Variants in EIF4G3 observed in about 807,000 individuals in gnomAD.
The protein encoded by EIF4G3 is eukaryotic translation initiation factor 4 gamma 3.
Under a neutral mutation model 186.4 loss-of-function variants are expected in EIF4G3, and 34 were observed. The observed-to-expected ratio is 0.18, with a 90% confidence interval of 0.14 to 0.24. The LOEUF is 0.24. Among genes scored for constraint, EIF4G3 ranks in the 10% least tolerant of loss-of-function variants. The pLI is 1.00. For missense variants in EIF4G3, 1,536 were observed against 1,948.5 expected, an observed-to-expected ratio of 0.79 and a Z score of 3.99; for synonymous variants, 673 against 679.5, an observed-to-expected ratio of 0.99 and a Z score of 0.15.
intron 10 of EIF4G3, among the ~76,000 whole-genome samples, chr1:20,976,130 GT>G (rs550634251): frequency 1.3e-3 from 189 of 143,886 alleles, no homozygotes; most frequent in African/African-American, 3.3e-3. Context: ...ACACACAGAG[GT>G]TTTTTTTTTT....
intron 14 of EIF4G3, among the ~76,000 whole-genome samples, chr1:20,932,728 C>A (rs1573050257): frequency 1.3e-5 from 2 of 152,142 alleles, no homozygotes; most frequent in Middle Eastern, 6.8e-3. Context: ...AAAACAATTA[C>A]AACAGTAACA....
intron 32 of EIF4G3, 41 bp from the exon 33 acceptor site, chr1:20,825,239 G>GAA (rs754088573): frequency 5.7e-6 from 3 of 522,146 alleles, no homozygotes; most frequent in Admixed American, 3.6e-5. Context: ...TTTCACAGTG[G>GAA]AAGAAGAAAC....
chr1:20,976,058 T>C (rs1254893442), intron 10 of EIF4G3, among the ~76,000 whole-genome samples: 2 of 151,820 alleles, frequency 1.3e-5, no homozygotes, highest in South Asian at 2.1e-4. Flanking sequence ...CCTCAGTCTA[T>C]ATAAAAAGTG....
chr1:21,134,916 T>C (rs2097212782), intron 2 of EIF4G3, among the ~76,000 whole-genome samples: 1 of 152,122 alleles, frequency 6.6e-6, no homozygotes, highest in Non-Finnish European at 1.5e-5. Context: ...CAATCTCAGA[T>C]ATATATGCAA....
intron 3 of EIF4G3, among the ~76,000 whole-genome samples, chr1:21,062,414 A>G (rs943027389): frequency 6.6e-6 from 1 of 152,130 alleles, no homozygotes; most frequent in Non-Finnish European, 1.5e-5. Flanking sequence ...TAAATCAGTA[A>G]TATCCTAAAC....
At chr1:21,091,250 T>C (rs2096186437) in intron 2 of EIF4G3, among the ~76,000 whole-genome samples, 1 of 152,052 alleles carries the variant, frequency 6.6e-6, no homozygotes, top group African/African-American at 2.4e-5. Flanking sequence ...GTTCAAGCAA[T>C]TCTCGTGACT....
chr1:21,161,108 C>A (rs1217719054), intron 2 of EIF4G3, among the ~76,000 whole-genome samples: 1 of 151,868 alleles, frequency 6.6e-6, no homozygotes, highest in Non-Finnish European at 1.5e-5. Flanking sequence ...GAGGCAGAGG[C>A]TGCAGTGAGC....
intron 2 of EIF4G3, among the ~76,000 whole-genome samples, chr1:21,170,290 A>T (rs1057504423): frequency 1.3e-5 from 2 of 152,224 alleles, no homozygotes; most frequent in African/African-American, 4.8e-5. Flanking sequence ...AACAAAATAA[A>T]CAAAAATCTC....
chr1:20,905,630 T>G (rs1366289854), intron 14 of EIF4G3, among the ~76,000 whole-genome samples: 1 of 152,190 alleles, frequency 6.6e-6, no homozygotes, highest in Admixed American at 6.5e-5. Context: ...GATTAAAGGA[T>G]TAAGTTTACA....
At chr1:21,011,209 T>A (rs10737455) in intron 4 of EIF4G3, among the ~76,000 whole-genome samples, 96,658 of 145,334 alleles carry the variant, frequency 0.67, 32,613 homozygotes, top group African/African-American at 0.84. Flanking sequence ...AACTTTTTTT[T>A]AAAAAAAAAA....
chr1:20,947,360 G>GA (rs1379949983), intron 13 of EIF4G3, among the ~76,000 whole-genome samples: 9 of 128,146 alleles, frequency 7.0e-5, no homozygotes, highest in African/African-American at 8.7e-5. Context: ...GAAGAAAAAA[G>GA]AAAAAAAAAT....
intron 3 of EIF4G3, among the ~76,000 whole-genome samples, chr1:21,053,053 T>G (rs1418255003): frequency 2.8e-5 from 4 of 142,996 alleles, no homozygotes; most frequent in African/African-American, 1.0e-4. Context: ...TCGTCTGGGA[T>G]GTGAGGAGCC....
At position 20,806,819 on chromosome 1, in the gene EIF4G3, T is replaced by C. The variant is rs1279751734; in HGVS notation, c.*500A>G. ...AAAAAAAAAAAAATCTTTCTTACCTTGTTCACCCCAAACTTTCTCAAATCT... is the reference window on the plus strand; with the variant it reads ...AAAAAAAAAAAAATCTTTCTTACCTCGTTCACCCCAAACTTTCTCAAATCT... On this transcript the variant is annotated 3_prime_UTR_variant, in exon 37 of 37. Coordinates refer to ENST00000602326, the MANE Select transcript of EIF4G3 (RefSeq NM_001391906.1). 2 of 152,490 alleles carry C rather than the reference T, an allele frequency of 1.3e-5. No individual in the cohort carries two copies. Among genetic ancestry groups the C allele is most frequent in the Non-Finnish European group, 2.9e-5 (2 of 68,016 alleles). 9.4% of individuals were successfully genotyped at this position (152,490 alleles called of 1,614,324 possible).
At chr1:20,934,800 A>T (rs2095465374) in intron 14 of EIF4G3, among the ~76,000 whole-genome samples, 1 of 152,100 alleles carries the variant, frequency 6.6e-6, no homozygotes, top group South Asian at 2.1e-4. Flanking sequence ...AAAATCACAG[A>T]TTTTGTACAG....
intron 10 of EIF4G3, among the ~76,000 whole-genome samples, chr1:20,975,672 A>T (rs1376914465): frequency 4.6e-5 from 7 of 150,738 alleles, no homozygotes; most frequent in Non-Finnish European, 1.0e-4. Flanking sequence ...AGAAACATTT[A>T]AAAACATTTT....
chr1:20,865,905 T>C (rs2077459694), intron 20 of EIF4G3, among the ~76,000 whole-genome samples: 1 of 108,952 alleles, frequency 9.2e-6, no homozygotes, highest in African/African-American at 2.9e-5. Flanking sequence ...CCAAATCCAA[T>C]AATAATTGTT....
Position 20,894,179 on chromosome 1 carries a change from A to C in EIF4G3, c.2134-543T>G, listed in dbSNP as rs547709124. 1.2e-3 allele frequency among the ~76,000 whole-genome samples: 185 copies of C among 152,250 alleles called. 1 individual carries two copies. The highest frequency in any genetic ancestry group is 4.2e-3 in the African/African-American group (175 of 41,538). On this transcript the variant is annotated intron_variant, in intron 17 of 36. Coordinates refer to ENST00000602326, the MANE Select transcript of EIF4G3 (RefSeq NM_001391906.1). Reference sequence around the variant, plus strand: ...CTGCCTTGTTAATCTGAGATATCTGACTTTGAATAAGCATGTAATGTGACC... The same window carrying C: ...CTGCCTTGTTAATCTGAGATATCTGCCTTTGAATAAGCATGTAATGTGACC...
chr1:20,841,692 T>C (rs531155961), intron 29 of EIF4G3, among the ~76,000 whole-genome samples: 3 of 152,360 alleles, frequency 2.0e-5, no homozygotes, highest in African/African-American at 7.2e-5. Context: ...CTATAGAGTA[T>C]CCAGCCAAGT....
At chr1:20,911,451 T>G (rs1253083382) in intron 14 of EIF4G3, among the ~76,000 whole-genome samples, 1 of 150,000 alleles carries the variant, frequency 6.7e-6, no homozygotes, top group Non-Finnish European at 1.5e-5. Context: ...CATCCCAGCT[T>G]CTCAGGAGGC....
Sources: allele counts gnomAD v4.1 joint callset (sites outside exome capture counted in the v4.1 genomes callset), GRCh38; gene constraint gnomAD v4.1.1; transcripts MANE v1.5; gene names NCBI Gene and HGNC (gene_info 2026-07-23, HGNC 2026-07-21).